Variants in FRMD3 observed in about 807,000 individuals in gnomAD.
The protein encoded by FRMD3 is FERM domain containing 3.
Under a neutral mutation model 70.2 loss-of-function variants are expected in FRMD3, and 33 were observed. That is an observed-to-expected ratio of 0.47 (90% CI 0.36 to 0.63). The LOEUF is 0.63. Among genes scored for constraint, FRMD3 ranks in the 20% least tolerant of loss-of-function variants. The probability of loss-of-function intolerance (pLI) is 0.00; values close to 1 mark genes in which losing one functional copy is unlikely to be tolerated. For synonymous variants in FRMD3, 279 were observed against 255.9 expected, an observed-to-expected ratio of 1.09 and a Z score of -0.86; for missense variants, 632 against 711.4, an observed-to-expected ratio of 0.89 and a Z score of 1.27.
At chr9:83,580,059 T>C in the FRMD3 span, among the ~76,000 whole-genome samples, 2 of 151,932 alleles carry the variant, frequency 1.3e-5, no homozygotes, top group Non-Finnish European at 2.9e-5. Flanking sequence ...ATCAGGGAAA[T>C]AAAAATTAAA....
chr9:83,258,020 T>A (rs1832798838), intron 13 of FRMD3, among the ~76,000 whole-genome samples: 1 of 152,178 alleles, frequency 6.6e-6, no homozygotes, highest in South Asian at 2.1e-4. Context: ...CTGTATAAAA[T>A]GAAACTGCAA....
chr9:83,535,759 G>A (rs1217821669), intron 1 of FRMD3, among the ~76,000 whole-genome samples: 1 of 152,190 alleles, frequency 6.6e-6, no homozygotes, highest in Non-Finnish European at 1.5e-5. Context: ...AGACACCAGG[G>A]ATGAGAGCTC....
chr9:83,490,788 T>G (rs973138080), intron 1 of FRMD3, among the ~76,000 whole-genome samples: 2 of 121,736 alleles, frequency 1.6e-5, no homozygotes, highest in African/African-American at 7.3e-5. Context: ...TCTCTCTCTC[T>G]CTCTCTCTCT....
At chr9:83,507,714 A>ATC (rs1829228270) in intron 1 of FRMD3, among the ~76,000 whole-genome samples, 2 of 103,822 alleles carry the variant, frequency 1.9e-5, no homozygotes, top group Non-Finnish European at 3.9e-5. Flanking sequence ...ATATATATAT[A>ATC]TATATATATA....
intron 1 of FRMD3, among the ~76,000 whole-genome samples, chr9:83,395,586 G>T (rs767168935): frequency 1.3e-5 from 2 of 151,992 alleles, no homozygotes; most frequent in African/African-American, 2.4e-5. Flanking sequence ...GGTGGTATTT[G>T]GTTTTCTGTT....
intron 1 of FRMD3, among the ~76,000 whole-genome samples, chr9:83,426,091 T>C (rs1414581118): frequency 6.6e-6 from 1 of 152,072 alleles, no homozygotes; most frequent in Non-Finnish European, 1.5e-5. Context: ...CCCGCTAATG[T>C]TGACCTAAAT....
chr9:83,376,124 C>A (rs1308542317), intron 2 of FRMD3, among the ~76,000 whole-genome samples: 1 of 148,396 alleles, frequency 6.7e-6, no homozygotes, highest in Non-Finnish European at 1.5e-5. Context: ...GGCGCCATTG[C>A]ACTCCAGCCT....
At chr9:83,534,378 C>T (rs894488161) in intron 1 of FRMD3, among the ~76,000 whole-genome samples, 37 of 152,198 alleles carry the variant, frequency 2.4e-4, no homozygotes, top group Non-Finnish European at 2.4e-4. Flanking sequence ...TGAAAGTTTT[C>T]GTTGGCCAAA....
At chr9:83,504,583 G>A (rs565205061) in intron 1 of FRMD3, among the ~76,000 whole-genome samples, 26 of 109,946 alleles carry the variant, frequency 2.4e-4, no homozygotes, top group Middle Eastern at 9.1e-3. Flanking sequence ...CTTCTCCCAG[G>A]TATTCATTTG....
At chr9:83,339,609 G>A (rs1157799961) in intron 5 of FRMD3, among the ~76,000 whole-genome samples, 1 of 152,186 alleles carries the variant, frequency 6.6e-6, no homozygotes, top group East Asian at 1.9e-4. Flanking sequence ...TTTAGCTCCA[G>A]GGCCAACTCC....
At chr9:83,402,801 T>C (rs994223834) in intron 1 of FRMD3, among the ~76,000 whole-genome samples, 3 of 151,554 alleles carry the variant, frequency 2.0e-5, no homozygotes, top group South Asian at 4.2e-4. Context: ...GCCTACGGTC[T>C]AAACCACAGT....
At chr9:83,439,257 G>A (rs1827230024) in intron 1 of FRMD3, among the ~76,000 whole-genome samples, 1 of 152,246 alleles carries the variant, frequency 6.6e-6, no homozygotes, top group South Asian at 2.1e-4. Flanking sequence ...TCCAGAGAGA[G>A]TTAGGACATT....
intron 1 of FRMD3, among the ~76,000 whole-genome samples, chr9:83,502,936 G>A (rs550601318): frequency 9.9e-5 from 15 of 152,190 alleles, no homozygotes; most frequent in African/African-American, 3.1e-4. Context: ...CTGGGGTTCT[G>A]GAAATACAAG....
At chr9:83,383,810 A>C (rs903070881) in intron 2 of FRMD3, among the ~76,000 whole-genome samples, 1 of 152,064 alleles carries the variant, frequency 6.6e-6, no homozygotes, top group African/African-American at 2.4e-5. Context: ...CTCCCCTTCC[A>C]CTATAATGTG....
intron 1 of FRMD3, among the ~76,000 whole-genome samples, chr9:83,474,209 A>G (rs906773161): frequency 2.0e-5 from 3 of 152,210 alleles, no homozygotes; most frequent in Non-Finnish European, 4.4e-5. Flanking sequence ...TCAGCATGAC[A>G]AAGCCACTAG....
intron 2 of FRMD3, among the ~76,000 whole-genome samples, chr9:83,386,413 T>C (rs1187573376): frequency 6.6e-6 from 1 of 152,198 alleles, no homozygotes; most frequent in African/African-American, 2.4e-5. Flanking sequence ...CCCCATCCTT[T>C]CCTTTACTCT....
At chr9:83,584,056 C>A in the FRMD3 span, among the ~76,000 whole-genome samples, 6 of 152,142 alleles carry the variant, frequency 3.9e-5, no homozygotes, top group Non-Finnish European at 8.8e-5. Flanking sequence ...AGTCTCTTGG[C>A]CGGGCGTGGT....
At chr9:83,547,373 T>A in the FRMD3 span, among the ~76,000 whole-genome samples, 1 of 150,302 alleles carries the variant, frequency 6.7e-6, no homozygotes, top group East Asian at 1.9e-4. Flanking sequence ...CTTCTTTGTC[T>A]TTTTTTACTG....
chr9:83,244,851 C>T lies in FRMD3; in HGVS notation c.*3067G>A, dbSNP rs761955588. 4.1e-6 allele frequency: 4 copies of T among 984,208 alleles called. No homozygotes were observed. The highest frequency in any genetic ancestry group is 3.6e-6 in the Non-Finnish European group (3 of 828,924). 61.0% of individuals were successfully genotyped at this position (984,208 alleles called of 1,614,324 possible). ...CACAAAATATATTCCAAATACATAA[C>T]ATTTTACAATATTTTTCAAGCACAG... is the stretch of plus-strand genomic sequence containing the variant. On this transcript the variant is annotated 3_prime_UTR_variant, in exon 14 of 14. Transcript: ENST00000304195.
Sources: allele counts gnomAD v4.1 joint callset (sites outside exome capture counted in the v4.1 genomes callset), GRCh38; gene constraint gnomAD v4.1.1; transcripts MANE v1.5; gene names NCBI Gene and HGNC (gene_info 2026-07-23, HGNC 2026-07-21).